Variants in SH3PXD2A observed in about 807,000 individuals in gnomAD.
SH3PXD2A encodes SH3 and PX domain-containing protein 2A.
A neutral mutation model predicts 115.2 loss-of-function variants in SH3PXD2A; 32 were observed. The ratio of observed to expected loss-of-function variants is 0.28; its 90% CI spans 0.21 to 0.37. The LOEUF (loss-of-function observed/expected upper bound fraction) is 0.37. Among genes scored for constraint, SH3PXD2A ranks in the 10% least tolerant of loss-of-function variants. SH3PXD2A has a pLI of 1.00. For synonymous variants in SH3PXD2A, 610 were observed against 629.1 expected (o/e 0.97, Z 0.45); for missense variants, 1,328 against 1,498.7 (o/e 0.89, Z 1.88).
rs60560201 is a variant in SH3PXD2A at position 103,604,834 on chromosome 10, T to A, written c.1428+964A>T. ...CTGCCACATTATGCTCTTTACAGAC[T>A]CTCCTGGAAACCTCAGTACAGAGAG... is the stretch of plus-strand genomic sequence containing the variant. On this transcript the variant is annotated intron_variant, in intron 14 of 14. Transcript: ENST00000369774. Among the ~76,000 whole-genome samples, 1,516 of 152,236 alleles carry A rather than the reference T, an allele frequency of 1.0e-2. 28 individuals carry two copies. Among genetic ancestry groups the A allele is most frequent in the African/African-American group, 0.035 (1,453 of 41,528 alleles).
chr10:103,610,243 C>T (rs1009140307), intron 13 of SH3PXD2A, among the ~76,000 whole-genome samples: 1 of 152,236 alleles, frequency 6.6e-6, no homozygotes, highest in African/African-American at 2.4e-5. Flanking sequence ...TGCATGTGAG[C>T]AGACACAGCC....
At position 103,595,577 on chromosome 10, in the gene SH3PXD2A, TTC is replaced by T. The variant is rs1433936494; in HGVS notation, c.*6237_*6238del. On this transcript the variant is annotated 3_prime_UTR_variant, in exon 15 of 15. Transcript: ENST00000369774. ...AATTCTTCCTCCCTCCCTCCCTTTTTTCTCTTTCACCTCTTGAGGCGCAGCCT... is the reference window on the plus strand; with the variant it reads ...AATTCTTCCTCCCTCCCTCCCTTTTTTCTTTCACCTCTTGAGGCGCAGCCT... The T allele has an allele frequency of 1.3e-5, 2 of 152,286 alleles. No homozygotes were observed. The highest frequency in any genetic ancestry group is 2.4e-5 in the African/African-American group (1 of 41,460). 9.4% of individuals were successfully genotyped at this position (152,286 alleles called of 1,614,324 possible).
chr10:103,688,511 G>A (rs968917802), intron 6 of SH3PXD2A, among the ~76,000 whole-genome samples: 9 of 152,240 alleles, frequency 5.9e-5, no homozygotes, highest in African/African-American at 2.2e-4. Context: ...GCAGGATCAG[G>A]CAGCTTCGCT....
At chr10:103,656,608 T>A (rs1010085942) in intron 8 of SH3PXD2A, among the ~76,000 whole-genome samples, 1 of 152,144 alleles carries the variant, frequency 6.6e-6, no homozygotes, top group Non-Finnish European at 1.5e-5. Context: ...GGCGGGTGGA[T>A]CACCTGAGGT....
chr10:103,765,628 T>C (rs1447309570), intron 3 of SH3PXD2A, among the ~76,000 whole-genome samples: 2 of 152,244 alleles, frequency 1.3e-5, no homozygotes, highest in African/African-American at 4.8e-5. Context: ...CCCATTCTTC[T>C]GGAGCAAACA....
At chr10:103,640,322 TA>T (rs34209665) in intron 8 of SH3PXD2A, among the ~76,000 whole-genome samples, 67,192 of 145,098 alleles carry the variant, frequency 0.46, 15,524 homozygotes, top group African/African-American at 0.58. Context: ...CTAAAAAAAT[TA>T]AAAAAAAAAA....
intron 10 of SH3PXD2A, 110 bp downstream of exon 10, chr10:103,622,360 G>A (rs1592267584): frequency 4.2e-6 from 3 of 717,916 alleles, no homozygotes; most frequent in Non-Finnish European, 7.1e-6. Context: ...CCGTGAATCT[G>A]GGTGAACAAG....
At chr10:103,840,400 C>A (rs1014127968) in intron 1 of SH3PXD2A, among the ~76,000 whole-genome samples, 1 of 152,234 alleles carries the variant, frequency 6.6e-6, no homozygotes, top group African/African-American at 2.4e-5. Flanking sequence ...AAGCCCACCC[C>A]CTGCAGTGTC....
intron 1 of SH3PXD2A, among the ~76,000 whole-genome samples, chr10:103,802,133 G>A (rs1190794997): frequency 1.3e-5 from 2 of 152,198 alleles, no homozygotes; most frequent in African/African-American, 4.8e-5. Context: ...GGGCTCGGAT[G>A]TTTACACTTT....
chr10:103,800,818 C>G (rs1411636077), intron 2 of SH3PXD2A, among the ~76,000 whole-genome samples: 1 of 152,202 alleles, frequency 6.6e-6, no homozygotes, highest in Non-Finnish European at 1.5e-5. Context: ...TTCGGTCAGA[C>G]AGACACCGTG....
intron 5 of SH3PXD2A, among the ~76,000 whole-genome samples, chr10:103,720,413 G>T (rs2038167706): frequency 6.6e-6 from 1 of 152,196 alleles, no homozygotes; most frequent in Non-Finnish European, 1.5e-5. Flanking sequence ...CCAGCGAGTG[G>T]CCTGGGATCA....
chr10:103,719,333 T>C (rs1487899065), intron 5 of SH3PXD2A, among the ~76,000 whole-genome samples: 2 of 152,158 alleles, frequency 1.3e-5, no homozygotes, highest in Non-Finnish European at 2.9e-5. Flanking sequence ...GAACCGTAGG[T>C]CTGGGGCCAG....
At chr10:103,604,482 C>A (rs568539191) in intron 14 of SH3PXD2A, among the ~76,000 whole-genome samples, 4 of 152,156 alleles carry the variant, frequency 2.6e-5, no homozygotes, top group Non-Finnish European at 5.9e-5. Flanking sequence ...GGAGATCAAC[C>A]AATGGCCAAA....
At chr10:103,607,614 A>T (rs1403418138) in intron 13 of SH3PXD2A, among the ~76,000 whole-genome samples, 3 of 151,916 alleles carry the variant, frequency 2.0e-5, no homozygotes, top group African/African-American at 7.3e-5. Context: ...GGCAGTGAGG[A>T]GCCCCTCTGC....
chr10:103,788,965 G>GGGGC (rs2039006081), intron 2 of SH3PXD2A, among the ~76,000 whole-genome samples: 1 of 152,194 alleles, frequency 6.6e-6, no homozygotes, highest in African/African-American at 2.4e-5. Context: ...GGTCCAGCCT[G>GGGGC]GGGCGGGGGC....
Position 103,605,781 on chromosome 10 carries a change from C to T in SH3PXD2A, c.1428+17G>A, listed in dbSNP as rs749636714. The T allele has an allele frequency of 3.1e-5, 50 of 1,614,012 alleles. No homozygotes were observed. Among genetic ancestry groups the T allele is most frequent in the Non-Finnish European group, 3.9e-5 (46 of 1,179,976 alleles). ...CACAATGAGTTAAAACCCTCGGCCTCATGGCCCAAGGCTTACCTCTGCCTT... is the reference window on the plus strand; with the variant it reads ...CACAATGAGTTAAAACCCTCGGCCTTATGGCCCAAGGCTTACCTCTGCCTT... On this transcript the variant is annotated intron_variant, in intron 14 of 14. Coordinates refer to ENST00000369774, the MANE Select transcript of SH3PXD2A (RefSeq NM_001394015.1).
chr10:103,760,556 C>T lies in SH3PXD2A; in HGVS notation c.229+6538G>A, dbSNP rs2038689165. 2.7e-5 allele frequency among the ~76,000 whole-genome samples: 4 copies of T among 148,950 alleles called. No homozygotes were observed. The South Asian group carries it at 6.4e-4, about 24-fold the overall frequency. ...CTGTACTCCAGCCTGGGCAACAGAGCGAGACCCTGTCTCAAAAAGATATAT... is the reference window on the plus strand; with the variant it reads ...CTGTACTCCAGCCTGGGCAACAGAGTGAGACCCTGTCTCAAAAAGATATAT... On this transcript the variant is annotated intron_variant, in intron 3 of 14. Coordinates refer to ENST00000369774, the MANE Select transcript of SH3PXD2A (RefSeq NM_001394015.1).
At position 103,746,644 on chromosome 10, in the gene SH3PXD2A, A is replaced by T. The variant is rs548416294; in HGVS notation, c.230-10836T>A. 4 of 152,240 alleles carry T rather than the reference A, an allele frequency of 2.6e-5. No individual in the cohort carries two copies. Among genetic ancestry groups the T allele is most frequent in the African/African-American group, 9.6e-5 (4 of 41,528 alleles). The allele number at this position is 152,240 out of a possible 1,614,324, so 9.4% of individuals were successfully genotyped here. On this transcript the variant is annotated intron_variant, in intron 3 of 14. Coordinates refer to ENST00000369774, the MANE Select transcript of SH3PXD2A (RefSeq NM_001394015.1). This position sits in a 1 kb window ranked among gnomAD's most constrained non-coding sequence, Gnocchi z 4.4. Reference sequence around the variant, plus strand: ...ATTCTCAAACCATAACCCTTGCTTAACCCTTTCAGTGACTGCCCAGGGCAC... The same window carrying T: ...ATTCTCAAACCATAACCCTTGCTTATCCCTTTCAGTGACTGCCCAGGGCAC...
Position 103,767,183 on chromosome 10 carries a change from C to T in SH3PXD2A, c.154-14G>A. On this transcript the variant is annotated splice_polypyrimidine_tract_variant and intron_variant, in intron 2 of 14. Coordinates refer to ENST00000369774, the MANE Select transcript of SH3PXD2A (RefSeq NM_001394015.1). ...CAAAAGCTGCATCTGAGAAGCCAGA[C>T]AGACAGAGGGACAGGATTCAGAAGA... The T allele has an allele frequency of 6.2e-7, 1 of 1,606,122 alleles. No homozygotes were observed. Among genetic ancestry groups the T allele is most frequent in the Non-Finnish European group, 8.5e-7 (1 of 1,172,962 alleles).
Sources: gnomAD v4.1 joint callset for allele counts (sites outside exome capture counted in the v4.1 genomes callset) on GRCh38, gnomAD v4.1.1 for gene constraint, Gnocchi (gnomAD v3.1) non-coding constraint, MANE v1.5 for transcripts, NCBI Gene and HGNC (gene_info 2026-07-23, HGNC 2026-07-21) for gene names.